The following DPEP1 variants were observed in gnomAD, a reference collection of about 807,000 sequenced individuals.
The protein encoded by DPEP1 is dipeptidase 1, also known as beta-lactamase.
A neutral mutation model predicts 42.3 loss-of-function variants in DPEP1; 50 were observed. The ratio of observed to expected loss-of-function variants is 1.18; its 90% CI spans 0.94 to 1.50. DPEP1 has a LOEUF of 1.50. DPEP1 is among the 40% of genes most tolerant of loss of function. The pLI is 0.00. For missense variants in DPEP1, 663 were observed against 553.0 expected, an observed-to-expected ratio of 1.20 and a Z score of -1.99; for synonymous variants, 297 against 234.0, an observed-to-expected ratio of 1.27 and a Z score of -2.46.
chr16:89,632,162 G>A (rs960161474), intron 2 of DPEP1, among the ~76,000 whole-genome samples: 1 of 152,162 alleles, frequency 6.6e-6, no homozygotes, highest in Non-Finnish European at 1.5e-5. Flanking sequence ...CAATTCTCCT[G>A]CCTCAGCCTC....
chr16:89,621,567 G>A (rs1216535460), intron 1 of DPEP1, among the ~76,000 whole-genome samples: 5 of 152,164 alleles, frequency 3.3e-5, no homozygotes, highest in East Asian at 1.9e-4. Flanking sequence ...GCAGGCTCCC[G>A]ATGTTCCCTT....
chr16:89,635,706 G>A (rs1352574649), intron 2 of DPEP1, among the ~76,000 whole-genome samples: 1 of 152,152 alleles, frequency 6.6e-6, no homozygotes, highest in East Asian at 1.9e-4. Context: ...CCCTGCCCTG[G>A]GGGTGGGCAC....
downstream of DPEP1, among the ~76,000 whole-genome samples, chr16:89,638,761 C>T (rs1194028938): frequency 7.1e-5 from 8 of 112,046 alleles, no homozygotes; most frequent in Admixed American, 3.8e-4. Flanking sequence ...CACACCCCAT[C>T]CCTGCACGCA....
At chr16:89,627,903 C>T (rs1037752748) in intron 1 of DPEP1, among the ~76,000 whole-genome samples, 1 of 151,674 alleles carries the variant, frequency 6.6e-6, no homozygotes, top group African/African-American at 2.4e-5. Context: ...CGTGATCCTC[C>T]TGCCTTGGCC....
intron 2 of DPEP1, among the ~76,000 whole-genome samples, chr16:89,631,155 C>T (rs932685142): frequency 6.6e-6 from 1 of 152,116 alleles, no homozygotes; most frequent in African/African-American, 2.4e-5. Flanking sequence ...TCTCTTCCCA[C>T]TCCCCCCGGC....
intron 2 of DPEP1, among the ~76,000 whole-genome samples, chr16:89,633,243 G>T (rs180852409): frequency 2.0e-5 from 3 of 152,350 alleles, no homozygotes; most frequent in Admixed American, 6.5e-5. Context: ...TGCTCCGAGG[G>T]CTGGGGAGAG....
rs568089530 is a variant in DPEP1 at position 89,624,751 on chromosome 16, T to C, written c.-106-5554T>C. Reference sequence around the variant, plus strand: ...GGTTTTTCTTTGTTGGCCAGGCTGGTCTTGAACTCCCGGCCTCAGGTGATA... The same window carrying C: ...GGTTTTTCTTTGTTGGCCAGGCTGGCCTTGAACTCCCGGCCTCAGGTGATA... On this transcript the variant is annotated intron_variant, in intron 1 of 10. Coordinates refer to ENST00000690203, the MANE Select transcript of DPEP1 (RefSeq NM_001389466.1). Among the ~76,000 whole-genome samples the C allele has an allele frequency of 2.4e-3, 368 of 152,160 alleles. 1 individual carries two copies. The highest frequency in any genetic ancestry group is 4.3e-3 in the Non-Finnish European group (290 of 67,998).
chr16:89,636,444 C>T (rs1466390316), intron 4 of DPEP1, 48 bp downstream of exon 4: 1 of 1,597,732 alleles, frequency 6.3e-7, no homozygotes, highest in Non-Finnish European at 8.5e-7. Flanking sequence ...TCTCACCCAG[C>T]CCTCATCCTG....
chr16:89,619,966 G>C (rs1193161055), intron 1 of DPEP1, among the ~76,000 whole-genome samples: 1 of 141,534 alleles, frequency 7.1e-6, no homozygotes, highest in Non-Finnish European at 1.5e-5. Context: ...ACCCTGCCTT[G>C]GGTGGGGTCC....
chr16:89,622,487 A>G (rs562578921), intron 1 of DPEP1, among the ~76,000 whole-genome samples: 1 of 152,240 alleles, frequency 6.6e-6, no homozygotes, highest in African/African-American at 2.4e-5. Flanking sequence ...AGGAATTAGA[A>G]AAGAATAACG....
At position 89,637,452 on chromosome 16, in the gene DPEP1, C is replaced by T. The variant is rs1433917817; in HGVS notation, c.769-16C>T. ...CTCCCAGCTCTCAGCTTCACCCTGT[C>T]TTCCTTCTTGTGCAGAAACAGACAG... On this transcript the variant is annotated splice_polypyrimidine_tract_variant and intron_variant, in intron 7 of 10. Transcript: ENST00000690203. 1 of 1,612,858 alleles carries T rather than the reference C, an allele frequency of 6.2e-7. No homozygotes were observed. Among genetic ancestry groups the T allele is most frequent in the Non-Finnish European group, 8.5e-7 (1 of 1,179,980 alleles).
At chr16:89,636,140 G>C (rs188819412) in intron 3 of DPEP1, 100 bp downstream of exon 3, 5 of 1,546,334 alleles carry the variant, frequency 3.2e-6, no homozygotes, top group Non-Finnish European at 4.3e-6. Context: ...GTTCCTCCAG[G>C]GTCCCTCGGT....
At chr16:89,614,813 ATCT>A (rs1486871362) in intron 1 of DPEP1, among the ~76,000 whole-genome samples, 3 of 151,946 alleles carry the variant, frequency 2.0e-5, no homozygotes, top group East Asian at 1.9e-4. Flanking sequence ...TAAAAGAAAA[ATCT>A]TCTCCCCGGG....
intron 1 of DPEP1, among the ~76,000 whole-genome samples, chr16:89,616,024 G>C (rs1318034282): frequency 1.3e-5 from 2 of 151,916 alleles, no homozygotes; most frequent in Admixed American, 6.5e-5. Context: ...AGTGAGCTGA[G>C]ATCACACCAC....
In DPEP1 at chr16:89,630,439, T is replaced by C. The variant is rs1295534600; in HGVS notation, c.29T>C (p.Leu10Pro). Residue 10 changes from leucine (L) to proline (P), a missense_variant, in exon 2 of 11, where the codon CTT becomes CCT. By Grantham distance (98) the Leu-to-Pro change is moderately conservative. Transcript: ENST00000690203. ...TGGAGCGGATGGTGGCTGTGGCCCC[T>C]TGTGGCCGTCTGCACTGCAGACTTC... MWSGWWLWP[L>P]VAVCTADFFR... The C allele has an allele frequency of 2.5e-6, 4 of 1,610,194 alleles. No homozygotes were observed. Among genetic ancestry groups the C allele is most frequent in the South Asian group, 2.2e-5 (2 of 90,816 alleles).
Position 89,630,360 on chromosome 16 carries a change from A to G in DPEP1, c.-51A>G. The G allele has an allele frequency of 6.7e-7, 1 of 1,502,510 alleles. No homozygotes were observed. Among genetic ancestry groups the G allele is most frequent in the Non-Finnish European group, 9.2e-7 (1 of 1,088,196 alleles). 93.1% of individuals were successfully genotyped at this position (1,502,510 alleles called of 1,614,324 possible). On this transcript the variant is annotated 5_prime_UTR_variant, in exon 2 of 11. Transcript: ENST00000690203. Reference sequence around the variant, plus strand: ...TCCTTCTGCACGGGCCAGCCAGGCCAGCACAGAGGCACCAGGGCAGCAGTG... The same window carrying G: ...TCCTTCTGCACGGGCCAGCCAGGCCGGCACAGAGGCACCAGGGCAGCAGTG...
At chr16:89,629,512 C>A (rs1405465664) in intron 1 of DPEP1, among the ~76,000 whole-genome samples, 5 of 150,418 alleles carry the variant, frequency 3.3e-5, no homozygotes, top group African/African-American at 5.0e-5. Context: ...TCCCCCCACC[C>A]CCCCCCGAAG....
intron 2 of DPEP1, among the ~76,000 whole-genome samples, chr16:89,631,050 C>T (rs1439071177): frequency 6.6e-6 from 1 of 152,046 alleles, no homozygotes; most frequent in Non-Finnish European, 1.5e-5. Context: ...ACGTGGAGGC[C>T]CTGCGCCCCA....
intron 1 of DPEP1, among the ~76,000 whole-genome samples, chr16:89,623,290 TAA>T (rs34805151): frequency 7.0e-6 from 1 of 142,412 alleles, no homozygotes; most frequent in Non-Finnish European, 1.5e-5. Context: ...CCCCATCTCG[TAA>T]AAAAAAAAAA....
Sources: allele counts gnomAD v4.1 joint callset (sites outside exome capture counted in the v4.1 genomes callset), GRCh38; gene constraint gnomAD v4.1.1; transcripts MANE v1.5; gene names NCBI Gene and HGNC (gene_info 2026-07-23, HGNC 2026-07-21).